Variants in DDX27 observed in about 807,000 individuals in gnomAD.
The protein encoded by DDX27 is probable ATP-dependent RNA helicase DDX27.
A neutral mutation model predicts 99.3 loss-of-function variants in DDX27; 42 were observed. That is an observed-to-expected ratio of 0.42 (90% confidence interval 0.33 to 0.55). The LOEUF (loss-of-function observed/expected upper bound fraction) is 0.55. DDX27 is among the 20% of genes least tolerant of loss of function. The pLI is 0.07. For synonymous variants in DDX27, 329 were observed against 353.8 expected (o/e 0.93, Z 0.79); for missense variants, 798 against 976.8 (o/e 0.82, Z 2.44).
chr20:49,225,035 C>T (rs985370691), intron 5 of DDX27, 44 bp downstream of exon 5: 9 of 1,613,356 alleles, frequency 5.6e-6, no homozygotes, highest in African/African-American at 2.7e-5. Flanking sequence ...GTTGGCAAAC[C>T]GAAAGGAGTT....
chr20:49,221,048 C>T (rs1979652330), intron 1 of DDX27, among the ~76,000 whole-genome samples: 1 of 152,102 alleles, frequency 6.6e-6, no homozygotes, highest in Non-Finnish European at 1.5e-5. Flanking sequence ...CGCAGCCTCC[C>T]CCTCCCGGGT....
chr20:49,223,541 G>T, intron 4 of DDX27, 108 bp downstream of exon 4: 6 of 1,035,684 alleles, frequency 5.8e-6, no homozygotes, highest in East Asian at 2.7e-5. Flanking sequence ...TCTTTAAGCT[G>T]TTCTGCCTAC....
At position 49,242,590 on chromosome 20, in the gene DDX27, A is replaced by G; in HGVS notation, c.2117-4A>G. On this transcript the variant is annotated splice_region_variant and splice_polypyrimidine_tract_variant and intron_variant, in intron 18 of 20. Coordinates refer to ENST00000618172, the MANE Select transcript of DDX27 (RefSeq NM_017895.8). ...CATATGTAACCCATTCTCTCTGTGCACAGCCAAGAAGCAAAAGCAGGGGAA... is the reference window on the plus strand; with the variant it reads ...CATATGTAACCCATTCTCTCTGTGCGCAGCCAAGAAGCAAAAGCAGGGGAA... The G allele has an allele frequency of 6.2e-7, 1 of 1,613,866 alleles. No homozygotes were observed. The highest frequency in any genetic ancestry group is 8.5e-7 in the Non-Finnish European group (1 of 1,179,924).
In DDX27 at chr20:49,236,285, G is replaced by A. The variant is rs238152; in HGVS notation, c.1510-48G>A. On this transcript the variant is annotated intron_variant, in intron 13 of 20. Transcript: ENST00000618172. This position sits in a 1 kb window ranked among gnomAD's most constrained non-coding sequence, Gnocchi z 4.1. ...TTGGTGGAAGTCTTTTTGCCTCTTC[G>A]CACCCCCCTTCCCTTGCCAGGCCTG... The A allele has an allele frequency of 0.72, 1,135,241 of 1,566,794 alleles. 417,069 individuals are homozygous for A. Among genetic ancestry groups the A allele is most frequent in the Non-Finnish European group, 0.76 (875,690 of 1,153,444 alleles).
At chr20:49,227,306 A>G (rs1410166286) in intron 7 of DDX27, among the ~76,000 whole-genome samples, 1 of 152,268 alleles carries the variant, frequency 6.6e-6, no homozygotes, top group African/African-American at 2.4e-5. Context: ...AATCAAAACC[A>G]GGAAATTGGC....
rs141740882 is a variant in DDX27, at chr20:49,233,525, C to G, written c.1132-43C>G. 3 of 1,603,674 alleles carry G rather than the reference C, an allele frequency of 1.9e-6. No homozygotes were observed. In the South Asian group the frequency reaches 3.3e-5, roughly 18 times the overall value. On this transcript the variant is annotated intron_variant, in intron 10 of 20. Transcript: ENST00000618172. ...TGAGCACTGCTTCCTCCTTCCCTAC[C>G]ACCTTGCAGAGAGCTGAGGAAACCT...
At chr20:49,226,388 TC>T in intron 6 of DDX27, 41 bp from the exon 7 acceptor site, 1 of 1,530,964 alleles carries the variant, frequency 6.5e-7, no homozygotes, top group Non-Finnish European at 9.0e-7. Context: ...TGCTGAGACT[TC>T]CCCCGCTCAA....
chr20:49,238,840 G>C, intron 14 of DDX27, 109 bp from the exon 15 acceptor site: 1 of 699,110 alleles, frequency 1.4e-6, no homozygotes, highest in East Asian at 2.9e-5. Context: ...AAATTCCTGG[G>C]CTCAAGCAAT....
At position 49,243,247 on chromosome 20, in the gene DDX27, A is replaced by G. The variant is rs1313844581; in HGVS notation, c.2205-382A>G. ...AAATAGTACATTGTTGGGTTCAGAAATGGAGCTTTCCTTCAGGGGAGTGAT... is the reference window on the plus strand; with the variant it reads ...AAATAGTACATTGTTGGGTTCAGAAGTGGAGCTTTCCTTCAGGGGAGTGAT... On this transcript the variant is annotated intron_variant, in intron 19 of 20. Transcript: ENST00000618172. 2.6e-5 allele frequency among the ~76,000 whole-genome samples: 4 copies of G among 152,138 alleles called. No individual in the cohort carries two copies. In the East Asian group the frequency reaches 7.7e-4, roughly 29 times the overall value.
In DDX27 at chr20:49,223,279, C is replaced by T; in HGVS notation, c.312C>T (p.Ala104=). ...AATTTTTTTCCCAGGATAAAGAAGC[C>T]AAGTCTGGGAAGTTGGAAAAGGAGA... The part of the protein sequence containing the change: ...RKKRKTEDKE[A]KSGKLEKEKE... The change falls in exon 4 of 21, where the codon GCC becomes GCT. Residue 104 remains alanine (A), a synonymous_variant. Transcript: ENST00000618172. 1 of 1,607,840 alleles carries T rather than the reference C, an allele frequency of 6.2e-7. No homozygotes were observed. Among genetic ancestry groups the T allele is most frequent in the Non-Finnish European group, 8.5e-7 (1 of 1,178,502 alleles).
At chr20:49,243,216 G>T (rs1980538715) in intron 19 of DDX27, among the ~76,000 whole-genome samples, 1 of 152,184 alleles carries the variant, frequency 6.6e-6, no homozygotes, top group Non-Finnish European at 1.5e-5. Flanking sequence ...TCCTGCCTTG[G>T]AGGTGAAATA....
intron 4 of DDX27, among the ~76,000 whole-genome samples, chr20:49,224,069 G>T (rs1439868470): frequency 6.6e-6 from 1 of 151,956 alleles, no homozygotes; most frequent in African/African-American, 2.4e-5. Context: ...TAGGGACGGG[G>T]TCTTGCTTTG....
chr20:49,227,785 A>G (rs888497731), intron 7 of DDX27, among the ~76,000 whole-genome samples: 1 of 151,652 alleles, frequency 6.6e-6, no homozygotes, highest in Non-Finnish European at 1.5e-5. Flanking sequence ...CTCTTGGGGT[A>G]TCCCTGATCT....
At chr20:49,242,488 G>T in intron 18 of DDX27, 106 bp from the exon 19 acceptor site, 1 of 1,183,874 alleles carries the variant, frequency 8.4e-7, no homozygotes, top group Non-Finnish European at 1.2e-6. Context: ...AATAGTCTTT[G>T]GATGCCAGAG....
intron 15 of DDX27, 70 bp downstream of exon 15, chr20:49,239,125 C>G (rs754690650): frequency 1.5e-4 from 234 of 1,520,084 alleles, no homozygotes; most frequent in Non-Finnish European, 2.0e-4. Flanking sequence ...CCTGCTGGTG[C>G]TGCCCTTCTG....
At chr20:49,228,594 A>C in intron 7 of DDX27, 121 bp from the exon 8 acceptor site, 1 of 1,034,020 alleles carries the variant, frequency 9.7e-7, no homozygotes. Context: ...AAAATATTCT[A>C]TGAAAAATAA....
chr20:49,239,521 A>C (rs1425162929), intron 16 of DDX27, among the ~76,000 whole-genome samples, 183 bp downstream of exon 16: 2 of 152,054 alleles, frequency 1.3e-5, no homozygotes, highest in Non-Finnish European at 2.9e-5. Context: ...TCTCATAAGG[A>C]GTGCACACCC....
In DDX27 at chr20:49,233,557, G is replaced by C; in HGVS notation, c.1132-11G>C. On this transcript the variant is annotated splice_polypyrimidine_tract_variant and intron_variant, in intron 10 of 20. Transcript: ENST00000618172. ...CAGAGAGCTGAGGAAACCTGGCTTT[G>C]TGCTTGGCAGGTGAAAGATCTGGCT... 6.2e-7 allele frequency: 1 copy of C among 1,610,168 alleles called. No individual in the cohort carries two copies. The highest frequency in any genetic ancestry group is 8.5e-7 in the Non-Finnish European group (1 of 1,176,996).
intron 11 of DDX27, chr20:49,234,611 C>T (rs1980243138): frequency 4.9e-6 from 1 of 204,732 alleles, no homozygotes; most frequent in Admixed American, 5.7e-5. Context: ...TCCGGGCCTT[C>T]ATGTTTGCCA....
Sources: allele counts gnomAD v4.1 joint callset (sites outside exome capture counted in the v4.1 genomes callset), GRCh38; gene constraint gnomAD v4.1.1; non-coding constraint Gnocchi (gnomAD v3.1); transcripts MANE v1.5; gene names NCBI Gene and HGNC (gene_info 2026-07-23, HGNC 2026-07-21).